SYNDIG1: variants seen among roughly 807,000 people sequenced by gnomAD.
The protein encoded by SYNDIG1 is synapse differentiation-inducing gene protein 1.
A neutral mutation model predicts 19.4 loss-of-function variants in SYNDIG1; 9 were observed. The ratio of observed to expected loss-of-function variants is 0.46; its 90% confidence interval spans 0.28 to 0.81. The LOEUF (loss-of-function observed/expected upper bound fraction) is 0.81. Among genes scored for constraint, SYNDIG1 ranks in the 30% least tolerant of loss-of-function variants. The probability of loss-of-function intolerance (pLI) is 0.12; values close to 1 mark genes in which losing one functional copy is unlikely to be tolerated. For synonymous variants in SYNDIG1, 141 were observed against 145.9 expected (o/e 0.97, Z 0.24); for missense variants, 311 against 343.3 (o/e 0.91, Z 0.74).
intron 3 of SYNDIG1, among the ~76,000 whole-genome samples, chr20:24,604,745 T>C (rs2058728806): frequency 6.6e-6 from 1 of 152,160 alleles, no homozygotes; most frequent in African/African-American, 2.4e-5. Context: ...TTTATTCCTT[T>C]ACTTTTTTAA....
intron 3 of SYNDIG1, among the ~76,000 whole-genome samples, chr20:24,628,933 A>G (rs1447437607): frequency 1.3e-5 from 2 of 152,234 alleles, no homozygotes; most frequent in Non-Finnish European, 2.9e-5. Context: ...AAAGCCCCCC[A>G]TATGGATTCT....
intron 3 of SYNDIG1, among the ~76,000 whole-genome samples, chr20:24,650,056 C>T (rs1270478885): frequency 6.6e-6 from 1 of 152,160 alleles, no homozygotes; most frequent in Non-Finnish European, 1.5e-5. Context: ...TCAGCCAGGC[C>T]CTGGGTCACA....
chr20:24,537,725 C>A (rs981770141), intron 1 of SYNDIG1, among the ~76,000 whole-genome samples: 1 of 152,112 alleles, frequency 6.6e-6, no homozygotes, highest in Non-Finnish European at 1.5e-5. Context: ...AGGTCATTGG[C>A]AAGATGAAAG....
At chr20:24,585,121 T>G in intron 3 of SYNDIG1, 128 bp downstream of exon 3, 2 of 1,245,580 alleles carry the variant, frequency 1.6e-6, no homozygotes, top group South Asian at 1.4e-5. Context: ...GGGTCGGCAC[T>G]TGCCCAGTTG....
intron 3 of SYNDIG1, among the ~76,000 whole-genome samples, chr20:24,607,963 C>T (rs542449805): frequency 6.6e-6 from 1 of 152,282 alleles, no homozygotes; most frequent in African/African-American, 2.4e-5. Context: ...ATTTTAAACA[C>T]TTTTCCCGGA....
intron 3 of SYNDIG1, among the ~76,000 whole-genome samples, chr20:24,586,451 A>G (rs554898502): frequency 6.6e-6 from 1 of 152,216 alleles, no homozygotes; most frequent in Non-Finnish European, 1.5e-5. Context: ...ACCCTGCTTC[A>G]GGATGAGGTC....
At chr20:24,515,638 G>A (rs1256669761) in intron 1 of SYNDIG1, among the ~76,000 whole-genome samples, 2 of 152,012 alleles carry the variant, frequency 1.3e-5, no homozygotes, top group African/African-American at 2.4e-5. Flanking sequence ...CAAGGGATGT[G>A]AAGGACCTCT....
intron 3 of SYNDIG1, among the ~76,000 whole-genome samples, chr20:24,621,760 C>T (rs1380998161): frequency 1.3e-5 from 2 of 152,158 alleles, no homozygotes; most frequent in Non-Finnish European, 2.9e-5. Context: ...AGTATAATAA[C>T]CATGAGTTGA....
chr20:24,544,432 C>A (rs1434669011), intron 2 of SYNDIG1, among the ~76,000 whole-genome samples: 1 of 152,206 alleles, frequency 6.6e-6, no homozygotes, highest in Non-Finnish European at 1.5e-5. Context: ...CGAGCAGGTC[C>A]AACCTTCAGA....
At chr20:24,643,063 G>A (rs1335214882) in intron 3 of SYNDIG1, among the ~76,000 whole-genome samples, 1 of 151,976 alleles carries the variant, frequency 6.6e-6, no homozygotes, top group African/African-American at 2.4e-5. Context: ...ATTTCTATAT[G>A]CATAATTATT....
At chr20:24,538,887 G>C (rs1038185285) in intron 1 of SYNDIG1, among the ~76,000 whole-genome samples, 7 of 151,840 alleles carry the variant, frequency 4.6e-5, no homozygotes, top group African/African-American at 1.5e-4. Flanking sequence ...GGGCTTATTG[G>C]CCATCTGTAT....
At chr20:24,495,727 GACGGT>G (rs2056284294) in intron 1 of SYNDIG1, 1 of 152,236 alleles carries the variant, frequency 6.6e-6, no homozygotes. Context: ...TTCTAAAGTT[GACGGT>G]ACTCACATGG....
intron 3 of SYNDIG1, among the ~76,000 whole-genome samples, chr20:24,650,085 A>G (rs1390790862): frequency 1.3e-5 from 2 of 152,194 alleles, no homozygotes; most frequent in Non-Finnish European, 2.9e-5. Flanking sequence ...CTAACCCAAA[A>G]TAGGGGTAGC....
At chr20:24,469,967 G>C (rs911194119) in intron 1 of SYNDIG1, among the ~76,000 whole-genome samples, 5 of 151,934 alleles carry the variant, frequency 3.3e-5, no homozygotes, top group African/African-American at 1.2e-4. Context: ...GGGAGACACG[G>C]GGTCGCAGGG....
At chr20:24,485,119 G>A (rs2055919788) in intron 1 of SYNDIG1, among the ~76,000 whole-genome samples, 1 of 152,152 alleles carries the variant, frequency 6.6e-6, no homozygotes, top group African/African-American at 2.4e-5. Flanking sequence ...CCAGAAGCCG[G>A]GGCCATGGCC....
At chr20:24,559,696 G>T (rs2057898187) in intron 2 of SYNDIG1, among the ~76,000 whole-genome samples, 1 of 152,074 alleles carries the variant, frequency 6.6e-6, no homozygotes, top group Non-Finnish European at 1.5e-5. Context: ...TTATTTACCT[G>T]GGAATGTCAT....
chr20:24,474,607 A>G (rs1274711488), intron 1 of SYNDIG1, among the ~76,000 whole-genome samples: 1 of 152,234 alleles, frequency 6.6e-6, no homozygotes, highest in Non-Finnish European at 1.5e-5. Flanking sequence ...CTTGGTTTTT[A>G]GTTGTTAACT....
chr20:24,596,594 G>C (rs550885193), intron 3 of SYNDIG1, among the ~76,000 whole-genome samples: 5 of 152,202 alleles, frequency 3.3e-5, no homozygotes, highest in East Asian at 3.9e-4. Flanking sequence ...GCCTAGGCTA[G>C]CCTCGAACTC....
At chr20:24,593,866 C>T (rs1218164319) in intron 3 of SYNDIG1, among the ~76,000 whole-genome samples, 1 of 151,988 alleles carries the variant, frequency 6.6e-6, no homozygotes, top group African/African-American at 2.4e-5. Flanking sequence ...GTCCTTTGCC[C>T]ACTTTTTAAT....
Sources: allele counts gnomAD v4.1 joint callset (sites outside exome capture counted in the v4.1 genomes callset), GRCh38; gene constraint gnomAD v4.1.1; transcripts MANE v1.5; gene names NCBI Gene and HGNC (gene_info 2026-07-23, HGNC 2026-07-21).